The following SOX5 variants were observed in gnomAD, a reference collection of about 807,000 sequenced individuals.
SOX5 encodes transcription factor SOX-5.
Under a neutral mutation model 92.0 loss-of-function variants are expected in SOX5, and 9 were observed. The ratio of observed to expected loss-of-function variants is 0.10; its 90% CI spans 0.06 to 0.17. SOX5 has a LOEUF of 0.17. SOX5 is among the 10% of genes least tolerant of loss of function. The probability of loss-of-function intolerance (pLI) is 1.00; values close to 1 mark genes in which losing one functional copy is unlikely to be tolerated. For synonymous variants in SOX5, 344 were observed against 336.3 expected, an observed-to-expected ratio of 1.02 and a Z score of -0.25; for missense variants, 642 against 944.5, an observed-to-expected ratio of 0.68 and a Z score of 4.20.
chr12:24,501,549 G>C (rs1332461870), intron 1 of SOX5, among the ~76,000 whole-genome samples: 1 of 152,040 alleles, frequency 6.6e-6, no homozygotes, highest in Non-Finnish European at 1.5e-5. Context: ...ATTTCAGCTG[G>C]GTGCAGTGGC....
chr12:24,042,020 G>A (rs763348259), intron 4 of SOX5, among the ~76,000 whole-genome samples: 2 of 152,036 alleles, frequency 1.3e-5, no homozygotes, highest in Non-Finnish European at 2.9e-5. Context: ...CATCTACCAT[G>A]CATAAGACAC....
At chr12:23,710,178 A>G (rs2091896508) in intron 6 of SOX5, among the ~76,000 whole-genome samples, 1 of 147,178 alleles carries the variant, frequency 6.8e-6, no homozygotes, top group Non-Finnish European at 1.5e-5. Flanking sequence ...GTTGGATTAA[A>G]CAGACAGCTT....
chr12:24,555,540 G>A (rs568084922), intron 1 of SOX5, among the ~76,000 whole-genome samples: 9 of 151,770 alleles, frequency 5.9e-5, no homozygotes, highest in East Asian at 5.8e-4. Context: ...TGAGTACATC[G>A]AAAAGAGTGT....
intron 1 of SOX5, among the ~76,000 whole-genome samples, chr12:24,497,272 A>G (rs1451531371): frequency 6.6e-6 from 1 of 152,188 alleles, no homozygotes; most frequent in Non-Finnish European, 1.5e-5. Flanking sequence ...AAGGGGAAAA[A>G]AAGCAGAAAT....
intron 8 of SOX5, among the ~76,000 whole-genome samples, chr12:23,610,919 G>A (rs1359436710): frequency 1.3e-5 from 2 of 152,066 alleles, no homozygotes; most frequent in Non-Finnish European, 2.9e-5. Context: ...GAAGCATATG[G>A]ATATTCTGCA....
intron 2 of SOX5, among the ~76,000 whole-genome samples, chr12:24,298,799 A>AAAAC (rs1374379736): frequency 3.2e-5 from 4 of 123,214 alleles, no homozygotes; most frequent in East Asian, 2.1e-4. Flanking sequence ...AAAAAAAAAA[A>AAAAC]ACTACATTTT....
intron 3 of SOX5, among the ~76,000 whole-genome samples, chr12:24,243,329 T>C (rs1231403505): frequency 3.9e-5 from 6 of 152,158 alleles, no homozygotes; most frequent in Non-Finnish European, 5.9e-5. Context: ...TTTCATAGTG[T>C]GTATAGTGTT....
intron 1 of SOX5, among the ~76,000 whole-genome samples, chr12:24,467,769 T>C (rs1944381132): frequency 1.3e-5 from 2 of 152,106 alleles, no homozygotes; most frequent in East Asian, 1.9e-4. Context: ...AAGTTTGTCC[T>C]GGGGGGTGGA....
chr12:23,660,028 T>C (rs1277767253), intron 7 of SOX5, among the ~76,000 whole-genome samples: 1 of 152,072 alleles, frequency 6.6e-6, no homozygotes, highest in African/African-American at 2.4e-5. Flanking sequence ...AAGGCTAAGG[T>C]TGTATTAAAC....
intron 4 of SOX5, among the ~76,000 whole-genome samples, chr12:24,039,229 C>T (rs1956306594): frequency 6.6e-6 from 1 of 152,108 alleles, no homozygotes; most frequent in African/African-American, 2.4e-5. Context: ...CCCGAAAAAA[C>T]ACACAGATTC....
intron 3 of SOX5, among the ~76,000 whole-genome samples, chr12:24,260,224 T>C (rs1941885695): frequency 6.6e-6 from 1 of 152,170 alleles, no homozygotes; most frequent in African/African-American, 2.4e-5. Flanking sequence ...TTTTCACTGA[T>C]TCGCTGACGA....
In SOX5 at chr12:23,533,927, G is replaced by T; in HGVS notation, c.*292C>A. ...GTTTATTTAAAAAAAAAAAAAAGTTGACGGGTAAGACTTCAGTGCTTGGAT... is the reference window on the plus strand; with the variant it reads ...GTTTATTTAAAAAAAAAAAAAAGTTTACGGGTAAGACTTCAGTGCTTGGAT... On this transcript the variant is annotated 3_prime_UTR_variant, in exon 15 of 15. Transcript: ENST00000451604. 5 of 235,668 alleles carry T rather than the reference G, an allele frequency of 2.1e-5. No homozygotes were observed. Among genetic ancestry groups the T allele is most frequent in the Non-Finnish European group, 3.3e-5 (4 of 120,684 alleles). 14.6% of individuals were successfully genotyped at this position (235,668 alleles called of 1,614,324 possible). A position where few individuals can be genotyped will look rare whatever the true frequency, so the allele number is the denominator to read the frequency against.
intron 2 of SOX5, among the ~76,000 whole-genome samples, chr12:24,292,725 G>A (rs970431533): frequency 1.1e-4 from 16 of 152,324 alleles, no homozygotes; most frequent in Middle Eastern, 3.4e-3. Context: ...ATTTTGGCAA[G>A]GCCATGTAAT....
intron 4 of SOX5, among the ~76,000 whole-genome samples, chr12:24,128,699 C>A (rs1348126728): frequency 1.3e-5 from 2 of 152,098 alleles, no homozygotes; most frequent in East Asian, 3.9e-4. Context: ...CCCGCAGGGC[C>A]TTTTTGGTCA....
At chr12:24,206,090 C>T (rs1425439478) in intron 4 of SOX5, among the ~76,000 whole-genome samples, 2 of 152,148 alleles carry the variant, frequency 1.3e-5, no homozygotes, top group African/African-American at 4.8e-5. Flanking sequence ...AATCTGCCCT[C>T]ATTTTGTATA....
intron 2 of SOX5, among the ~76,000 whole-genome samples, chr12:23,880,678 G>T (rs1298196345): frequency 6.6e-6 from 1 of 152,084 alleles, no homozygotes; most frequent in Admixed American, 6.5e-5. Flanking sequence ...CTCTATATAA[G>T]GCACAACCCC....
intron 3 of SOX5, among the ~76,000 whole-genome samples, chr12:23,793,416 A>G (rs2095510445): frequency 1.3e-5 from 2 of 152,218 alleles, no homozygotes; most frequent in Non-Finnish European, 2.9e-5. Context: ...TTATTTACCC[A>G]GAAGGTACAA....
intron 6 of SOX5, among the ~76,000 whole-genome samples, chr12:23,696,917 T>C (rs1368703250): frequency 6.6e-6 from 1 of 152,204 alleles, no homozygotes; most frequent in Non-Finnish European, 1.5e-5. Flanking sequence ...ATTGTTTGCT[T>C]ACTAATTTTT....
intron 9 of SOX5, chr12:23,584,426 G>T: frequency 1.3e-6 from 1 of 796,238 alleles, no homozygotes; most frequent in Non-Finnish European, 2.2e-6. Flanking sequence ...ACGCAGATAG[G>T]CCATCTTTAG....
Sources: gnomAD v4.1 joint callset for allele counts (sites outside exome capture counted in the v4.1 genomes callset) on GRCh38, gnomAD v4.1.1 for gene constraint, MANE v1.5 for transcripts, NCBI Gene and HGNC (gene_info 2026-07-23, HGNC 2026-07-21) for gene names.